Variants in MYCBP2 observed in about 807,000 individuals in gnomAD.
MYCBP2 encodes the protein MYC binding protein 2, also known as E3 ubiquitin-protein ligase MYCBP2.
In MYCBP2, 120 loss-of-function variants were observed where a neutral mutation model predicts 525.3. The ratio of observed to expected loss-of-function variants is 0.23; its 90% CI spans 0.20 to 0.27. MYCBP2 has a LOEUF of 0.27. MYCBP2 is among the 10% of genes least tolerant of loss of function. The pLI, the probability that MYCBP2 is intolerant of heterozygous loss-of-function variation, is 1.00. For missense variants in MYCBP2, 4,149 were observed against 5,657.1 expected (o/e 0.73, Z 8.55); for synonymous variants, 1,894 against 1,955.8 (o/e 0.97, Z 0.83).
At position 77,288,200 on chromosome 13, in the gene MYCBP2, T is replaced by C. The variant is rs748738464; in HGVS notation, c.555A>G (p.Glu185=). The C allele has an allele frequency of 3.7e-6, 6 of 1,614,074 alleles. No individual in the cohort carries two copies. In the Admixed American group the frequency reaches 8.3e-5, roughly 22 times the overall value. ...SVQSGESDSD[E]EEESKEPPIK... is the part of the protein sequence containing the mutation. ...TAGGGGGCTCTTTGGATTCCTCTTC[T>C]TCATCACTATCTGATTCTCCACTCT... The change falls in exon 3 of 83, where the codon GAA becomes GAG. Residue 185 remains glutamate, a synonymous_variant. Transcript: ENST00000544440.
At chr13:77,221,150 T>C (rs1454788583) in intron 20 of MYCBP2, among the ~76,000 whole-genome samples, 1 of 136,342 alleles carries the variant, frequency 7.3e-6, no homozygotes, top group Non-Finnish European at 1.6e-5. Context: ...TACCAATGTT[T>C]AATCTTCATA....
chr13:77,077,543 G>A (rs2042522894), intron 66 of MYCBP2, 156 bp from the exon 67 acceptor site: 2 of 840,318 alleles, frequency 2.4e-6, no homozygotes, highest in East Asian at 5.2e-5. Flanking sequence ...ATTTCAACCA[G>A]GTGAAGATAA....
chr13:77,163,307 G>A (rs983041114), intron 43 of MYCBP2, among the ~76,000 whole-genome samples: 5 of 152,040 alleles, frequency 3.3e-5, no homozygotes, highest in African/African-American at 1.2e-4. Context: ...TCCTCATGTG[G>A]CTAGAATACA....
intron 27 of MYCBP2, among the ~76,000 whole-genome samples, chr13:77,192,249 T>C (rs1007643492): frequency 6.6e-6 from 1 of 152,244 alleles, no homozygotes; most frequent in Admixed American, 6.5e-5. Flanking sequence ...CTCTGTGACC[T>C]GCTAGCAGGG....
rs752748046 is a variant in MYCBP2 at position 77,165,363 on chromosome 13, A to G, written c.6369T>C (p.Thr2123=). 4 of 1,606,132 alleles carry G rather than the reference A, an allele frequency of 2.5e-6. No individual in the cohort carries two copies. The South Asian group carries it at 3.4e-5, about 14-fold the overall frequency. ...TGTCATCTTTCACATAATCTGATGC[A>G]GTCTCCAATGAAAAAAGGGCCTCAT... ...PGNEALFSLE[T]ASDYVKDDKA... The change falls in exon 42 of 83, where the codon ACT becomes ACC. Residue 2123 remains threonine (T), a synonymous_variant. Coordinates refer to ENST00000544440, the MANE Select transcript of MYCBP2 (RefSeq NM_015057.5).
At chr13:77,074,817 G>A (rs1381772893) in intron 68 of MYCBP2, among the ~76,000 whole-genome samples, 5 of 152,190 alleles carry the variant, frequency 3.3e-5, no homozygotes, top group Non-Finnish European at 7.3e-5. Flanking sequence ...ACACAACACT[G>A]GCAGAATATA....
chr13:77,231,745 T>C (rs942916103), intron 18 of MYCBP2, among the ~76,000 whole-genome samples: 1 of 152,234 alleles, frequency 6.6e-6, no homozygotes, highest in African/African-American at 2.4e-5. Context: ...GTTAAACTAT[T>C]GGGAAAACTT....
rs1419110600 is a variant in MYCBP2 at position 77,293,679 on chromosome 13, AGAG to A, written c.378+2917_378+2919del. On this transcript the variant is annotated intron_variant, in intron 2 of 82. Transcript: ENST00000544440. ...AGTGAAAGAGGGAGGCTGGACAGTA[AGAG>A]GAGGAGATAAAACAACAGAAAACTA... Among the ~76,000 whole-genome samples, 6 of 152,306 alleles carry A rather than the reference AGAG, an allele frequency of 3.9e-5. No homozygotes were observed. The East Asian group carries it at 7.7e-4, about 20-fold the overall frequency.
At chr13:77,264,465 A>G (rs954945895) in intron 8 of MYCBP2, among the ~76,000 whole-genome samples, 5 of 152,104 alleles carry the variant, frequency 3.3e-5, no homozygotes, top group Non-Finnish European at 7.4e-5. Flanking sequence ...TGCTTTGTAA[A>G]ATGGATATTC....
intron 23 of MYCBP2, 90 bp from the exon 24 acceptor site, chr13:77,206,915 A>G (rs1198210455): frequency 7.8e-6 from 9 of 1,147,686 alleles, no homozygotes; most frequent in Non-Finnish European, 1.1e-5. Context: ...CAAAGAGAAT[A>G]AATAATATAG....
chr13:77,068,978 G>T, intron 69 of MYCBP2, 147 bp from the exon 70 acceptor site: 1 of 787,848 alleles, frequency 1.3e-6, no homozygotes, highest in Non-Finnish European at 2.0e-6. Flanking sequence ...TCCATCATAT[G>T]TCATTCTCTT....
At chr13:77,235,414 A>T (rs2067765834) in intron 17 of MYCBP2, among the ~76,000 whole-genome samples, 1 of 152,122 alleles carries the variant, frequency 6.6e-6, no homozygotes, top group Admixed American at 6.5e-5. Flanking sequence ...AAGCATAAAG[A>T]TATTAAACAA....
At chr13:77,120,095 A>G (rs1288276150) in intron 55 of MYCBP2, among the ~76,000 whole-genome samples, 3 of 152,222 alleles carry the variant, frequency 2.0e-5, no homozygotes, top group African/African-American at 4.8e-5. Context: ...GACTGAAAGC[A>G]TACAATTTGT....
intron 65 of MYCBP2, among the ~76,000 whole-genome samples, chr13:77,079,662 T>A (rs2042956478): frequency 6.6e-6 from 1 of 152,170 alleles, no homozygotes; most frequent in African/African-American, 2.4e-5. Flanking sequence ...TTAGAAATAT[T>A]TGGGACTAGA....
chr13:77,313,099 G>A (rs958280984), intron 1 of MYCBP2, among the ~76,000 whole-genome samples: 1 of 151,884 alleles, frequency 6.6e-6, no homozygotes, highest in Non-Finnish European at 1.5e-5. Context: ...ATATTAATAT[G>A]TAAGAAAACA....
chr13:77,131,015 G>A (rs945724015), intron 52 of MYCBP2, among the ~76,000 whole-genome samples: 4 of 152,066 alleles, frequency 2.6e-5, no homozygotes, highest in African/African-American at 7.2e-5. Flanking sequence ...TGCTAACTGT[G>A]GTAATAAATT....
chr13:77,301,365 A>C (rs2078777901), intron 1 of MYCBP2, among the ~76,000 whole-genome samples: 2 of 148,320 alleles, frequency 1.3e-5, no homozygotes, highest in African/African-American at 5.0e-5. Context: ...GTGACGAGCC[A>C]AGAGCCAAGA....
rs187147533 is a variant in MYCBP2, at chr13:77,076,784, C to T, written c.11790G>A (p.Leu3930=). 8.1e-6 allele frequency: 13 copies of T among 1,612,062 alleles called. No individual in the cohort carries two copies. In the South Asian group the frequency reaches 1.2e-4, roughly 15 times the overall value. Residue 3930 remains leucine, a synonymous_variant, in exon 68 of 83, where the codon TTG becomes TTA. Transcript: ENST00000544440. ...PTPEQEEKAL[L]SSPEGEEKVY... ...CTTTTTCTTCTCCTTCAGGTGATGA[C>T]AATAGTGCTTTTTCCTCTTGTTCTG...
chr13:77,238,319 A>G (rs1370368048), intron 17 of MYCBP2, among the ~76,000 whole-genome samples: 2 of 152,002 alleles, frequency 1.3e-5, no homozygotes, highest in Admixed American at 6.5e-5. Context: ...AAGCCAGGAC[A>G]TGGGTTTAGC....
Sources: allele counts gnomAD v4.1 joint callset (sites outside exome capture counted in the v4.1 genomes callset), GRCh38; gene constraint gnomAD v4.1.1; transcripts MANE v1.5; gene names NCBI Gene and HGNC (gene_info 2026-07-23, HGNC 2026-07-21).